The following SND1 variants were observed in gnomAD, a reference collection of about 807,000 sequenced individuals.
SND1 encodes the protein staphylococcal nuclease and tudor domain containing 1, also known as staphylococcal nuclease domain-containing protein 1.
In SND1, 38 loss-of-function variants were observed where a neutral mutation model predicts 121.7. The ratio of observed to expected loss-of-function variants is 0.31; its 90% CI spans 0.24 to 0.41. The LOEUF is 0.41. Among genes scored for constraint, SND1 ranks in the 10% least tolerant of loss-of-function variants. The pLI, the probability that SND1 is intolerant of heterozygous loss-of-function variation, is 1.00. For missense variants in SND1, 868 were observed against 1,184.6 expected, an observed-to-expected ratio of 0.73 and a Z score of 3.92; for synonymous variants, 401 against 447.4, an observed-to-expected ratio of 0.90 and a Z score of 1.31.
intron 10 of SND1, among the ~76,000 whole-genome samples, chr7:127,787,497 G>A (rs1298285503): frequency 1.3e-5 from 2 of 152,178 alleles, no homozygotes; most frequent in African/African-American, 4.8e-5. Flanking sequence ...AATTTTTAAG[G>A]CTGTGTAGCT....
At chr7:127,915,557 A>AT (rs1220988468) in intron 14 of SND1, among the ~76,000 whole-genome samples, 2 of 152,238 alleles carry the variant, frequency 1.3e-5, no homozygotes, top group Non-Finnish European at 2.9e-5. Flanking sequence ...AGCTTTTCAT[A>AT]TGCCAGCAAG....
At chr7:128,025,678 A>G (rs1025835290) in intron 16 of SND1, among the ~76,000 whole-genome samples, 4 of 152,198 alleles carry the variant, frequency 2.6e-5, no homozygotes, top group Non-Finnish European at 4.4e-5. Flanking sequence ...AGGATATACC[A>G]TGATAGCAAA....
At chr7:127,666,033 C>T (rs925854691) in intron 1 of SND1, among the ~76,000 whole-genome samples, 2 of 152,170 alleles carry the variant, frequency 1.3e-5, no homozygotes, top group African/African-American at 4.8e-5. Flanking sequence ...CAGGTGAGCC[C>T]TTTCACAGCC....
chr7:127,700,349 G>C (rs1190439289), intron 4 of SND1, among the ~76,000 whole-genome samples: 1 of 152,188 alleles, frequency 6.6e-6, no homozygotes, highest in African/African-American at 2.4e-5. Context: ...GTAGGGAAGA[G>C]AGGTGAAGAC....
chr7:127,839,729 C>T (rs563270857), intron 11 of SND1, among the ~76,000 whole-genome samples: 39 of 152,234 alleles, frequency 2.6e-4, no homozygotes, highest in African/African-American at 8.9e-4. Flanking sequence ...ATCTAATAGA[C>T]GAAGGTTGCC....
chr7:127,775,324 C>G (rs547174826), intron 10 of SND1, among the ~76,000 whole-genome samples: 1 of 151,794 alleles, frequency 6.6e-6, no homozygotes, highest in African/African-American at 2.4e-5. Flanking sequence ...GCACATTCCC[C>G]CACCCCCACC....
intron 16 of SND1, among the ~76,000 whole-genome samples, chr7:128,037,489 G>A (rs969583383): frequency 3.9e-5 from 6 of 152,190 alleles, no homozygotes; most frequent in Non-Finnish European, 8.8e-5. Flanking sequence ...AGGGTTCTGG[G>A]AATGAGGATG....
In SND1 at chr7:127,702,538, C is replaced by T; in HGVS notation, c.681+12C>T. On this transcript the variant is annotated intron_variant, in intron 6 of 23. Coordinates refer to ENST00000354725, the MANE Select transcript of SND1 (RefSeq NM_014390.4). The stretch of plus-strand genomic sequence containing the variant: ...TGTCAGGCATCAAGGTCAGACCATA[C>T]TCTTGGCTACGTGGTGGGTTTAGAG... 1 of 1,610,076 alleles carries T rather than the reference C, an allele frequency of 6.2e-7. No individual in the cohort carries two copies. The highest frequency in any genetic ancestry group is 8.5e-7 in the Non-Finnish European group (1 of 1,176,320).
Position 127,707,540 on chromosome 7 carries a change from C to T in SND1, c.948-17C>T, listed in dbSNP as rs374747016. ...TTGCTGAGTCTGAATGATCTTGCAT[C>T]CTTGCTTTGTTGCCAGGTTTGCCAA... On this transcript the variant is annotated splice_polypyrimidine_tract_variant and intron_variant, in intron 8 of 23. Transcript: ENST00000354725. The T allele has an allele frequency of 1.6e-5, 26 of 1,611,276 alleles. No homozygotes were observed. Among genetic ancestry groups the T allele is most frequent in the Non-Finnish European group, 2.0e-5 (24 of 1,177,582 alleles).
chr7:127,918,354 C>T (rs1563057853), intron 14 of SND1, among the ~76,000 whole-genome samples: 1 of 152,088 alleles, frequency 6.6e-6, no homozygotes, highest in Non-Finnish European at 1.5e-5. Context: ...GCGTGAGTCA[C>T]CGCCCCCAGA....
intron 12 of SND1, among the ~76,000 whole-genome samples, chr7:127,864,812 C>G (rs895692351): frequency 6.6e-6 from 1 of 152,182 alleles, no homozygotes; most frequent in African/African-American, 2.4e-5. Flanking sequence ...TGCATTCCCA[C>G]TCCTGAATAA....
At chr7:127,876,557 C>G (rs1261120725) in intron 12 of SND1, among the ~76,000 whole-genome samples, 1 of 152,176 alleles carries the variant, frequency 6.6e-6, no homozygotes, top group East Asian at 1.9e-4. Flanking sequence ...AAGCTTTTAT[C>G]TAGGGAAGTG....
chr7:127,793,902 A>T (rs1337511840), intron 10 of SND1, among the ~76,000 whole-genome samples: 2 of 152,138 alleles, frequency 1.3e-5, no homozygotes, highest in Non-Finnish European at 2.9e-5. Flanking sequence ...ATTCCTGAGT[A>T]TGGCTTCAAG....
intron 16 of SND1, among the ~76,000 whole-genome samples, chr7:128,031,831 C>A (rs1245329348): frequency 6.7e-6 from 1 of 149,776 alleles, no homozygotes; most frequent in Non-Finnish European, 1.5e-5. Context: ...CGGCTTTGTG[C>A]GGAGGGAGCG....
chr7:127,703,365 T>C (rs375946833), intron 7 of SND1, 42 bp downstream of exon 7: 14 of 1,604,978 alleles, frequency 8.7e-6, no homozygotes, highest in South Asian at 5.5e-5. Context: ...GGGCTAGGGA[T>C]GCATTTGGGG....
chr7:128,085,890 G>A lies in SND1; in HGVS notation c.2304+110G>A. ...TCTGAGCTTACCAATAGAACAATGAGCATTGGGGCATCTCTGCTGTGCGTG... is the reference window on the plus strand; with the variant it reads ...TCTGAGCTTACCAATAGAACAATGAACATTGGGGCATCTCTGCTGTGCGTG... On this transcript the variant is annotated intron_variant, in intron 20 of 23. Coordinates refer to ENST00000354725, the MANE Select transcript of SND1 (RefSeq NM_014390.4). The surrounding 1 kb of genome is among the most constrained non-coding windows in gnomAD (Gnocchi z 4.4). The A allele has an allele frequency of 2.2e-6, 2 of 925,204 alleles. No homozygotes were observed. The highest frequency in any genetic ancestry group is 1.7e-6 in the Non-Finnish European group (1 of 578,796). 57.3% of individuals were successfully genotyped at this position (925,204 alleles called of 1,614,324 possible).
rs368048492 is a variant in SND1, at chr7:127,888,019, C to T, written c.1454+7C>T. 16 of 1,594,268 alleles carry T rather than the reference C, an allele frequency of 1.0e-5. No individual in the cohort carries two copies. The highest frequency in any genetic ancestry group is 1.4e-5 in the Non-Finnish European group (16 of 1,163,300). ...TGCTTGCTGCAGAGGCCAGGTAAGA[C>T]CAAACATTACTAAACACATGGGGAA... On this transcript the variant is annotated splice_region_variant and intron_variant, in intron 13 of 23. Coordinates refer to ENST00000354725, the MANE Select transcript of SND1 (RefSeq NM_014390.4).
intron 20 of SND1, 105 bp from the exon 21 acceptor site, chr7:128,086,833 G>A: frequency 1.8e-5 from 16 of 879,296 alleles, no homozygotes; most frequent in Non-Finnish European, 3.0e-5. Flanking sequence ...TGAACAGGGT[G>A]GCCCAGAGTT....
chr7:127,781,639 G>A (rs1045634720), intron 10 of SND1, among the ~76,000 whole-genome samples: 1 of 151,900 alleles, frequency 6.6e-6, no homozygotes, highest in African/African-American at 2.4e-5. Context: ...TTGTTTCATG[G>A]TTTGATTTAT....
Sources: gnomAD v4.1 joint callset for allele counts (sites outside exome capture counted in the v4.1 genomes callset) on GRCh38, gnomAD v4.1.1 for gene constraint, Gnocchi (gnomAD v3.1) non-coding constraint, MANE v1.5 for transcripts, NCBI Gene and HGNC (gene_info 2026-07-23, HGNC 2026-07-21) for gene names.